The following FBLN1 variants were observed in gnomAD, a reference collection of about 807,000 sequenced individuals.
FBLN1 encodes fibulin 1, also known as fibulin-1.
FBLN1 carries 34 observed loss-of-function variants against 89.7 expected under a neutral mutation model. The observed-to-expected ratio is 0.38, with a 90% CI of 0.29 to 0.50. FBLN1 has a LOEUF of 0.50. Among genes scored for constraint, FBLN1 ranks in the 20% least tolerant of loss-of-function variants. FBLN1 has a pLI of 0.92. For synonymous variants in FBLN1, 393 were observed against 391.3 expected, an observed-to-expected ratio of 1.00 and a Z score of -0.05; for missense variants, 777 against 988.1, an observed-to-expected ratio of 0.79 and a Z score of 2.86.
intron 1 of FBLN1, among the ~76,000 whole-genome samples, chr22:45,514,798 A>G (rs2088147976): frequency 6.6e-6 from 1 of 152,184 alleles, no homozygotes; most frequent in African/African-American, 2.4e-5. Context: ...CTGGCCCCGA[A>G]GGAGGTTTTA....
At position 45,502,974 on chromosome 22, in the gene FBLN1, C is replaced by A. The variant is rs998912290; in HGVS notation, c.-12C>A. On this transcript the variant is annotated 5_prime_UTR_variant, in exon 1 of 17. Coordinates refer to ENST00000327858, the MANE Select transcript of FBLN1 (RefSeq NM_006486.3). ...TTGTCCGCCGCCGCCCACCGCCCGTCGCCCGCCGCCCATGGAGCGCGCCGC... is the reference window on the plus strand; with the variant it reads ...TTGTCCGCCGCCGCCCACCGCCCGTAGCCCGCCGCCCATGGAGCGCGCCGC... 8.6e-7 allele frequency: 1 copy of A among 1,166,850 alleles called. No individual in the cohort carries two copies. Among genetic ancestry groups the A allele is most frequent in the Non-Finnish European group, 1.1e-6 (1 of 944,968 alleles). 72.3% of individuals were successfully genotyped at this position (1,166,850 alleles called of 1,614,324 possible).
At chr22:45,543,600 G>A (rs926074361) in intron 11 of FBLN1, 74 bp downstream of exon 11, 38 of 1,559,270 alleles carry the variant, frequency 2.4e-5, no homozygotes, top group South Asian at 1.3e-4. Flanking sequence ...TCTGCAGACC[G>A]GTTTGCAGCA....
chr22:45,525,509 C>T (rs1468356860), intron 2 of FBLN1, 34 bp from the exon 3 acceptor site: 1 of 1,548,268 alleles, frequency 6.5e-7, no homozygotes, highest in East Asian at 2.4e-5. Flanking sequence ...CCCCTGCGCA[C>T]AGAGCCTTGG....
chr22:45,551,124 C>T (rs2088695807), intron 14 of FBLN1: 2 of 243,536 alleles, frequency 8.2e-6, no homozygotes, highest in Non-Finnish European at 1.6e-5. Context: ...GATTCCAGAT[C>T]CTAAACGTGG....
chr22:45,574,658 G>A lies in FBLN1; in HGVS notation c.1840+5G>A, dbSNP rs1405120557. 5.0e-6 allele frequency: 8 copies of A among 1,612,728 alleles called. No individual in the cohort carries two copies. Among genetic ancestry groups the A allele is most frequent in the Non-Finnish European group, 6.8e-6 (8 of 1,179,740 alleles). On this transcript the variant is annotated splice_donor_5th_base_variant and intron_variant, in intron 15 of 16. Transcript: ENST00000327858. This position sits in a 1 kb window ranked among gnomAD's most constrained non-coding sequence, Gnocchi z 4.1. ...GCGAGTTCACCCGCCCTGAAGGTGAGTGGGATGGGTGTGGGGGTCCCAGGG... is the reference window on the plus strand; with the variant it reads ...GCGAGTTCACCCGCCCTGAAGGTGAATGGGATGGGTGTGGGGGTCCCAGGG...
At chr22:45,508,036 G>A (rs2088047015) in intron 1 of FBLN1, among the ~76,000 whole-genome samples, 1 of 152,096 alleles carries the variant, frequency 6.6e-6, no homozygotes, top group Non-Finnish European at 1.5e-5. Flanking sequence ...CACAGCACGG[G>A]GACTCGAGCA....
At chr22:45,511,481 C>A (rs1217102245) in intron 1 of FBLN1, among the ~76,000 whole-genome samples, 1 of 144,140 alleles carries the variant, frequency 6.9e-6, no homozygotes, top group Non-Finnish European at 1.5e-5. Context: ...CAGTCTCACT[C>A]TGTCACCCAG....
At chr22:45,543,580 A>G (rs2088587678) in intron 11 of FBLN1, 54 bp downstream of exon 11, 2 of 1,598,470 alleles carry the variant, frequency 1.3e-6, no homozygotes, top group African/African-American at 1.3e-5. Flanking sequence ...CCTCCTGGGG[A>G]AGCCACCCTT....
chr22:45,535,426 G>A (rs1472315729), intron 8 of FBLN1, 89 bp downstream of exon 8: 26 of 1,514,190 alleles, frequency 1.7e-5, no homozygotes, highest in African/African-American at 6.9e-5. Flanking sequence ...CTGCGGGGCC[G>A]CATGGTATAC....
chr22:45,589,719 G>A (rs2089119783), intron 16 of FBLN1, among the ~76,000 whole-genome samples: 1 of 152,082 alleles, frequency 6.6e-6, no homozygotes, highest in South Asian at 2.1e-4. Context: ...GGCATGACTG[G>A]CCTGCCCTCT....
intron 14 of FBLN1, among the ~76,000 whole-genome samples, chr22:45,555,248 CATATATATATATATATAAA>C (rs2088770628): frequency 7.4e-6 from 1 of 135,126 alleles, no homozygotes; most frequent in African/African-American, 3.2e-5. Context: ...ATGGAATATA[CATATATATATATATATAAA>C]ATGGAATATA....
rs759162356 is a variant in FBLN1 at position 45,564,840 on chromosome 22, C to T, written c.1698-9671C>T. 44 of 1,611,918 alleles carry T rather than the reference C, an allele frequency of 2.7e-5. No individual in the cohort carries two copies. In the East Asian group the frequency reaches 4.5e-4, roughly 16 times the overall value. ...ACTCTGCCAGCCCTGGCTTATGTCA[C>T]TAGCATTTCTGTGGCTGTGACACTG... On this transcript the variant is annotated intron_variant, in intron 14 of 16. Transcript: ENST00000327858.
At chr22:45,533,201 G>T (rs1240116426) in intron 6 of FBLN1, 37 bp downstream of exon 6, 1 of 1,565,050 alleles carries the variant, frequency 6.4e-7, no homozygotes, top group South Asian at 1.1e-5. Flanking sequence ...AGGACTGGCC[G>T]GTCACTGTGC....
At chr22:45,554,999 A>G (rs8136585) in intron 14 of FBLN1, among the ~76,000 whole-genome samples, 2,604 of 98,870 alleles carry the variant, frequency 0.026, 143 homozygotes, top group African/African-American at 0.072. Flanking sequence ...CGTCTCCACC[A>G]CAGGAAGTTA....
intron 3 of FBLN1, 87 bp from the exon 4 acceptor site, chr22:45,527,760 T>A: frequency 7.1e-7 from 1 of 1,410,060 alleles, no homozygotes; most frequent in Middle Eastern, 2.4e-4. Flanking sequence ...GACAGGGGGC[T>A]CAGAGAGGCC....
intron 1 of FBLN1, chr22:45,518,471 GTCTT>G: frequency 4.8e-6 from 3 of 620,624 alleles, no homozygotes; most frequent in Middle Eastern, 4.3e-4. Flanking sequence ...GAGGATTCAG[GTCTT>G]TCTTCTAGGA....
At chr22:45,523,003 G>A (rs561924769) in intron 2 of FBLN1, 16 of 583,140 alleles carry the variant, frequency 2.7e-5, no homozygotes, top group South Asian at 7.1e-5. Context: ...TAATAAGTCC[G>A]TCTGATGGTT....
intron 1 of FBLN1, chr22:45,517,380 G>A (rs527907275): frequency 1.5e-4 from 53 of 346,282 alleles, no homozygotes; most frequent in South Asian, 1.1e-3. Context: ...CCTGGCACCC[G>A]GCCGCTCCTC....
chr22:45,557,929 G>T lies in FBLN1; in HGVS notation c.1697+7314G>T. The T allele has an allele frequency of 3.2e-6, 2 of 631,902 alleles. No homozygotes were observed. Among genetic ancestry groups the T allele is most frequent in the Non-Finnish European group, 5.9e-6 (2 of 337,500 alleles). 39.1% of individuals were successfully genotyped at this position (631,902 alleles called of 1,614,324 possible). On this transcript the variant is annotated intron_variant, in intron 14 of 16. Transcript: ENST00000327858. This position sits in a 1 kb window ranked among gnomAD's most constrained non-coding sequence, Gnocchi z 4.9. ...TGCATTGCTTGAAGTTCTGCCCACT[G>T]GGAAGATTTCCCTTTGCCACTGTCC...
Sources: gnomAD v4.1 joint callset for allele counts (sites outside exome capture counted in the v4.1 genomes callset) on GRCh38, gnomAD v4.1.1 for gene constraint, Gnocchi (gnomAD v3.1) non-coding constraint, MANE v1.5 for transcripts, NCBI Gene and HGNC (gene_info 2026-07-23, HGNC 2026-07-21) for gene names.